COL27A1: variants seen among roughly 807,000 people sequenced by gnomAD.
COL27A1 encodes collagen alpha-1(XXVII) chain.
Under a neutral mutation model 251.3 loss-of-function variants are expected in COL27A1, and 106 were observed. The observed-to-expected ratio is 0.42, with a 90% CI of 0.36 to 0.50. The LOEUF is 0.50. COL27A1 is among the 20% of genes least tolerant of loss of function. The pLI is 0.00. For synonymous variants in COL27A1, 1,000 were observed against 986.3 expected (o/e 1.01, Z -0.26); for missense variants, 2,325 against 2,522.8 (o/e 0.92, Z 1.68).
At position 114,267,498 on chromosome 9, in the gene COL27A1, T is replaced by C; in HGVS notation, c.3448-6T>C. 2 of 1,600,366 alleles carry C rather than the reference T, an allele frequency of 1.2e-6. No individual in the cohort carries two copies. Among genetic ancestry groups the C allele is most frequent in the Non-Finnish European group, 1.7e-6 (2 of 1,175,488 alleles). ...TCTAGGAGGGACCAATGGCGTTTTCTTTCAGGGGCCGCCTGGTGCAGTGGG... is the reference window on the plus strand; with the variant it reads ...TCTAGGAGGGACCAATGGCGTTTTCCTTCAGGGGCCGCCTGGTGCAGTGGG... On this transcript the variant is annotated splice_region_variant and splice_polypyrimidine_tract_variant and intron_variant, in intron 33 of 60. Coordinates refer to ENST00000356083, the MANE Select transcript of COL27A1 (RefSeq NM_032888.4).
chr9:114,222,515 C>T (rs1831192112), intron 14 of COL27A1, among the ~76,000 whole-genome samples: 1 of 152,174 alleles, frequency 6.6e-6, no homozygotes, highest in South Asian at 2.1e-4. Flanking sequence ...GGTGGATCAC[C>T]TTCTCTGAGC....
chr9:114,171,624 C>T (rs769729686), intron 3 of COL27A1, among the ~76,000 whole-genome samples: 3 of 151,608 alleles, frequency 2.0e-5, no homozygotes, highest in Non-Finnish European at 4.4e-5. Context: ...CCACTATGTC[C>T]GGCTAATTTT....
chr9:114,216,646 C>G (rs1325065837), intron 12 of COL27A1, among the ~76,000 whole-genome samples: 1 of 152,178 alleles, frequency 6.6e-6, no homozygotes, highest in African/African-American at 2.4e-5. Context: ...CTTAGACCAT[C>G]TGTGATTGTT....
At position 114,288,928 on chromosome 9, in the gene COL27A1, G is replaced by A; in HGVS notation, c.4113G>A (p.Val1371=). ...TTGGCTTCCAGGGACAGGAGGGTGTGCAAGGCCTCCGTGGAAAGCCAGGCC... is the reference window on the plus strand; with the variant it reads ...TTGGCTTCCAGGGACAGGAGGGTGTACAAGGCCTCCGTGGAAAGCCAGGCC... The part of the protein sequence containing the change: ...GDPGYPGQEG[V]QGLRGKPGQQ... Residue 1371 remains valine (V), a synonymous_variant, in exon 44 of 61, where the codon GTG becomes GTA. Coordinates refer to ENST00000356083, the MANE Select transcript of COL27A1 (RefSeq NM_032888.4). 1.9e-6 allele frequency: 3 copies of A among 1,613,694 alleles called. No homozygotes were observed. The highest frequency in any genetic ancestry group is 2.5e-6 in the Non-Finnish European group (3 of 1,179,992).
intron 35 of COL27A1, among the ~76,000 whole-genome samples, chr9:114,270,330 T>C (rs1017740575): frequency 2.0e-5 from 3 of 152,228 alleles, no homozygotes; most frequent in African/African-American, 4.8e-5. Context: ...CATTGACGTC[T>C]GGCTGATGTC....
rs953995520 is a variant in COL27A1 at position 114,250,785 on chromosome 9, T to C, written c.3033+117T>C. 3 of 845,338 alleles carry C rather than the reference T, an allele frequency of 3.5e-6. No individual in the cohort carries two copies. The East Asian group carries it at 8.0e-5, about 22-fold the overall frequency. 52.4% of individuals were successfully genotyped at this position (845,338 alleles called of 1,614,324 possible). ...GAATACCCTCCCCTAGCCTCTCTCC[T>C]GACCTGGCATTCTGAGTCTGCCAAG... On this transcript the variant is annotated intron_variant, in intron 25 of 60. Transcript: ENST00000356083.
At chr9:114,197,663 G>A (rs1449791119) in intron 7 of COL27A1, among the ~76,000 whole-genome samples, 1 of 152,230 alleles carries the variant, frequency 6.6e-6, no homozygotes, top group Non-Finnish European at 1.5e-5. Flanking sequence ...TTAAGCAGAT[G>A]TCCGGGGAGG....
At chr9:114,243,623 C>A in intron 23 of COL27A1, 63 bp downstream of exon 23, 1 of 1,381,418 alleles carries the variant, frequency 7.2e-7, no homozygotes, top group Non-Finnish European at 1.0e-6. Flanking sequence ...ATCTGGGCCC[C>A]AAGTCAAGCC....
intron 3 of COL27A1, among the ~76,000 whole-genome samples, chr9:114,175,274 G>T (rs1239857145): frequency 1.3e-5 from 2 of 152,250 alleles, no homozygotes; most frequent in African/African-American, 4.8e-5. Flanking sequence ...CCTCTCAGAG[G>T]CCCCGTTGTT....
At chr9:114,197,395 T>C (rs1224862342) in intron 7 of COL27A1, among the ~76,000 whole-genome samples, 1 of 152,184 alleles carries the variant, frequency 6.6e-6, no homozygotes, top group African/African-American at 2.4e-5. Context: ...AAGCAGTGGC[T>C]GTTTGTGAGC....
chr9:114,229,824 C>G (rs187329456), intron 14 of COL27A1, among the ~76,000 whole-genome samples: 2 of 152,130 alleles, frequency 1.3e-5, no homozygotes, highest in African/African-American at 4.8e-5. Context: ...AAAAGTCAGC[C>G]GCTTCTTCAC....
chr9:114,182,430 G>C (rs1321676377), intron 4 of COL27A1, among the ~76,000 whole-genome samples: 1 of 151,592 alleles, frequency 6.6e-6, no homozygotes, highest in Non-Finnish European at 1.5e-5. Flanking sequence ...CCCCGGAGGA[G>C]ATGGCACTTT....
At chr9:114,206,133 C>T in intron 9 of COL27A1, 119 bp from the exon 10 acceptor site, 2 of 1,005,534 alleles carry the variant, frequency 2.0e-6, no homozygotes, top group Non-Finnish European at 3.1e-6. Context: ...GCTGATCTAA[C>T]CCCACCCCCA....
chr9:114,210,880 T>G, intron 11 of COL27A1, 102 bp from the exon 12 acceptor site: 6 of 1,193,144 alleles, frequency 5.0e-6, no homozygotes, highest in Non-Finnish European at 7.5e-6. Flanking sequence ...TTCCAGGCCC[T>G]CTGTGACTTC....
chr9:114,296,052 A>T (rs1162147910), intron 49 of COL27A1, among the ~76,000 whole-genome samples: 1 of 152,218 alleles, frequency 6.6e-6, no homozygotes, highest in Admixed American at 6.5e-5. Context: ...CATGTACAAA[A>T]ATTAGCTCAA....
At chr9:114,156,573 GTGTC>G (rs1157706173) in intron 1 of COL27A1, among the ~76,000 whole-genome samples, 1 of 152,160 alleles carries the variant, frequency 6.6e-6, no homozygotes, top group African/African-American at 2.4e-5. Flanking sequence ...CTGGGTCTGT[GTGTC>G]TGTGTTTCCT....
chr9:114,283,594 C>T (rs1327380235), intron 39 of COL27A1, 115 bp from the exon 40 acceptor site: 37 of 886,454 alleles, frequency 4.2e-5, no homozygotes, highest in Middle Eastern at 2.4e-4. Flanking sequence ...TGGTTATGGG[C>T]GGCATGGATG....
chr9:114,279,042 G>A (rs992798624), intron 37 of COL27A1, among the ~76,000 whole-genome samples: 6 of 152,138 alleles, frequency 3.9e-5, no homozygotes, highest in South Asian at 2.1e-4. Flanking sequence ...GCAGCCTCCC[G>A]TCTCCCTGCC....
intron 56 of COL27A1, among the ~76,000 whole-genome samples, chr9:114,303,801 G>A (rs1314537458): frequency 6.6e-6 from 1 of 152,232 alleles, no homozygotes; most frequent in Non-Finnish European, 1.5e-5. Context: ...CAGTGGTAGG[G>A]TTGGGAGTGC....
Sources: allele counts gnomAD v4.1 joint callset (sites outside exome capture counted in the v4.1 genomes callset), GRCh38; gene constraint gnomAD v4.1.1; transcripts MANE v1.5; gene names NCBI Gene and HGNC (gene_info 2026-07-23, HGNC 2026-07-21).